GOSR1: variants seen among roughly 807,000 people sequenced by gnomAD.
GOSR1 encodes the protein golgi SNAP receptor complex member 1.
A neutral mutation model predicts 35.5 loss-of-function variants in GOSR1; 21 were observed. The observed-to-expected ratio is 0.59, with a 90% confidence interval of 0.42 to 0.85. GOSR1 has a LOEUF of 0.85. GOSR1 is among the 40% of genes least tolerant of loss of function. The pLI is 0.00. For missense variants in GOSR1, 285 were observed against 309.6 expected, an observed-to-expected ratio of 0.92 and a Z score of 0.60; for synonymous variants, 94 against 106.6, an observed-to-expected ratio of 0.88 and a Z score of 0.73.
At chr17:30,503,839 A>T (rs1413042170) in intron 6 of GOSR1, among the ~76,000 whole-genome samples, 1 of 152,172 alleles carries the variant, frequency 6.6e-6, no homozygotes, top group East Asian at 1.9e-4. Flanking sequence ...TAAGTTAAAG[A>T]TCCCTTCTGT....
intron 4 of GOSR1, among the ~76,000 whole-genome samples, chr17:30,485,363 C>T (rs538234091): frequency 6.0e-4 from 91 of 152,002 alleles, no homozygotes; most frequent in African/African-American, 2.1e-3. Flanking sequence ...ACCTCCCAAG[C>T]TCAAACAAGC....
chr17:30,505,115 T>C (rs1426000568), intron 6 of GOSR1, among the ~76,000 whole-genome samples: 1 of 152,252 alleles, frequency 6.6e-6, no homozygotes, highest in Non-Finnish European at 1.5e-5. Flanking sequence ...ACTTAAGGTA[T>C]GTAGCTTTGT....
At chr17:30,498,435 G>A (rs1242147666) in intron 6 of GOSR1, among the ~76,000 whole-genome samples, 1 of 152,122 alleles carries the variant, frequency 6.6e-6, no homozygotes, top group Non-Finnish European at 1.5e-5. Context: ...AGTAATAAGT[G>A]CTTTATTATG....
chr17:30,521,759 C>T (rs930353168), intron 8 of GOSR1, among the ~76,000 whole-genome samples: 11 of 151,972 alleles, frequency 7.2e-5, no homozygotes, highest in Non-Finnish European at 1.2e-4. Context: ...GAATCTAAGG[C>T]GGGAAAAGAT....
chr17:30,492,540 G>C, intron 5 of GOSR1, 139 bp from the exon 6 acceptor site: 1 of 553,248 alleles, frequency 1.8e-6, no homozygotes. Flanking sequence ...AGAGGGAAAT[G>C]CAAAGGATTA....
At position 30,523,878 on chromosome 17, in the gene GOSR1, A is replaced by G. The variant is rs1044204653; in HGVS notation, c.*1500A>G. 5 of 217,136 alleles carry G rather than the reference A, an allele frequency of 2.3e-5. No individual in the cohort carries two copies. In the South Asian group the frequency reaches 2.5e-4, roughly 11 times the overall value. 13.5% of individuals were successfully genotyped at this position (217,136 alleles called of 1,614,324 possible). A position where few individuals can be genotyped will look rare whatever the true frequency, so the allele number is the denominator to read the frequency against. On this transcript the variant is annotated 3_prime_UTR_variant, in exon 9 of 9. Coordinates refer to ENST00000451249, the MANE Select transcript of GOSR1 (RefSeq NM_001007025.2). ...TTCATTTTGTTCTGTACTAAGAAAA[A>G]TTCTTCTGCCTTGGGATCCTGTTGA...
At position 30,523,135 on chromosome 17, in the gene GOSR1, GC is replaced by G. The variant is rs1968097695; in HGVS notation, c.*759del. ...GGCCTCCCAAAGTGCCGAGATTGCA[GC>G]CTCTGCCCGGCCGCCACCCCGTCTG... On this transcript the variant is annotated 3_prime_UTR_variant, in exon 9 of 9. Coordinates refer to ENST00000451249, the MANE Select transcript of GOSR1 (RefSeq NM_001007025.2). The G allele has an allele frequency of 5.3e-6, 1 of 188,552 alleles. No homozygotes were observed. Among genetic ancestry groups the G allele is most frequent in the Admixed American group, 6.2e-5 (1 of 16,032 alleles). 11.7% of individuals were successfully genotyped at this position (188,552 alleles called of 1,614,324 possible).
intron 4 of GOSR1, among the ~76,000 whole-genome samples, chr17:30,486,878 G>A (rs990344680): frequency 5.3e-5 from 8 of 152,222 alleles, no homozygotes; most frequent in African/African-American, 1.7e-4. Flanking sequence ...GAAGACTTTC[G>A]TCTAAATTGC....
At chr17:30,513,871 C>T (rs1967702388) in intron 7 of GOSR1, among the ~76,000 whole-genome samples, 2 of 152,182 alleles carry the variant, frequency 1.3e-5, no homozygotes, top group African/African-American at 2.4e-5. Context: ...AGCACTTGCA[C>T]CCATGAGGTC....
chr17:30,512,322 A>G (rs553225392), intron 7 of GOSR1, among the ~76,000 whole-genome samples: 9 of 152,302 alleles, frequency 5.9e-5, no homozygotes, highest in African/African-American at 1.9e-4. Flanking sequence ...ATTAATACCA[A>G]TCCTTTCTTT....
chr17:30,489,842 A>G (rs1914924654), intron 4 of GOSR1, among the ~76,000 whole-genome samples: 1 of 152,134 alleles, frequency 6.6e-6, no homozygotes, highest in Admixed American at 6.6e-5. Context: ...TTTATCTCAG[A>G]ATTTTTTTCT....
At chr17:30,512,298 A>C (rs548259465) in intron 7 of GOSR1, among the ~76,000 whole-genome samples, 16 of 152,196 alleles carry the variant, frequency 1.1e-4, no homozygotes, top group Non-Finnish European at 2.2e-4. Context: ...TAATCTGTAA[A>C]TGGTAGCTAT....
chr17:30,524,753 A>C lies in GOSR1; in HGVS notation c.*2375A>C, dbSNP rs953356817. The C allele has an allele frequency of 6.6e-6, 1 of 152,246 alleles. No individual in the cohort carries two copies. The highest frequency in any genetic ancestry group is 2.4e-5 in the African/African-American group (1 of 41,458). 9.4% of individuals were successfully genotyped at this position (152,246 alleles called of 1,614,324 possible). A position where few individuals can be genotyped will look rare whatever the true frequency, so the allele number is the denominator to read the frequency against. On this transcript the variant is annotated 3_prime_UTR_variant, in exon 9 of 9. Coordinates refer to ENST00000451249, the MANE Select transcript of GOSR1 (RefSeq NM_001007025.2). ...ACATATAAAAAGGCATTGAGGGCTC[A>C]CTGTCCAGAGAATTGCTTTTGTAAA...
chr17:30,519,005 A>G (rs778434237), intron 7 of GOSR1, among the ~76,000 whole-genome samples: 42 of 151,842 alleles, frequency 2.8e-4, no homozygotes, highest in Non-Finnish European at 4.9e-4. Context: ...CAGGACATCA[A>G]GGTAGTCACA....
intron 6 of GOSR1, among the ~76,000 whole-genome samples, chr17:30,497,348 C>CT (rs1281114504): frequency 6.6e-6 from 1 of 151,978 alleles, no homozygotes; most frequent in African/African-American, 2.4e-5. Flanking sequence ...CCTTAAGTTT[C>CT]TTTATTCCTT....
At chr17:30,506,034 G>C (rs1161912115) in intron 6 of GOSR1, among the ~76,000 whole-genome samples, 1 of 152,160 alleles carries the variant, frequency 6.6e-6, no homozygotes, top group Admixed American at 6.5e-5. Flanking sequence ...CCGGCCAGTT[G>C]TGTGTGTTCT....
intron 3 of GOSR1, 126 bp from the exon 4 acceptor site, chr17:30,484,533 GTTTT>G: frequency 1.9e-6 from 1 of 533,172 alleles, no homozygotes; most frequent in Non-Finnish European, 3.2e-6. Flanking sequence ...TCTCTTGTTT[GTTTT>G]TTGTTTTGTT....
At chr17:30,490,740 C>G (rs1365956014) in intron 5 of GOSR1, among the ~76,000 whole-genome samples, 2 of 152,130 alleles carry the variant, frequency 1.3e-5, no homozygotes, top group Admixed American at 1.3e-4. Flanking sequence ...TCCCAACATT[C>G]TCATACTGAT....
chr17:30,519,340 A>C (rs1967938938), intron 7 of GOSR1, among the ~76,000 whole-genome samples: 1 of 152,170 alleles, frequency 6.6e-6, no homozygotes, highest in African/African-American at 2.4e-5. Flanking sequence ...TACAGACGTG[A>C]GCCACCACAC....
Sources: allele counts gnomAD v4.1 joint callset (sites outside exome capture counted in the v4.1 genomes callset), GRCh38; gene constraint gnomAD v4.1.1; transcripts MANE v1.5; gene names NCBI Gene and HGNC (gene_info 2026-07-23, HGNC 2026-07-21).